Variants in BCAS4 observed in about 807,000 individuals in gnomAD.
BCAS4 encodes the protein breast carcinoma amplified sequence 4, also known as breast carcinoma-amplified sequence 4.
A neutral mutation model predicts 15.7 loss-of-function variants in BCAS4; 9 were observed. That is an observed-to-expected ratio of 0.57 (90% CI 0.34 to 1.00). The LOEUF is 1.00. Among genes scored for constraint, BCAS4 ranks in the 50% least tolerant of loss-of-function variants. The pLI is 0.02. For missense variants in BCAS4, 225 were observed against 239.1 expected, an observed-to-expected ratio of 0.94 and a Z score of 0.39; for synonymous variants, 101 against 99.5, an observed-to-expected ratio of 1.02 and a Z score of -0.09.
intron 4 of BCAS4, among the ~76,000 whole-genome samples, chr20:50,869,285 C>T (rs1189448144): frequency 6.6e-6 from 1 of 152,200 alleles, no homozygotes; most frequent in Admixed American, 6.5e-5. Context: ...TAGCAGCAGG[C>T]ACCTGAGCTC....
At chr20:50,838,893 CA>C (rs1223622793) in intron 3 of BCAS4, among the ~76,000 whole-genome samples, 1 of 151,966 alleles carries the variant, frequency 6.6e-6, no homozygotes, top group Non-Finnish European at 1.5e-5. Flanking sequence ...AGCAGGGCCA[CA>C]CCCCATGGAG....
intron 4 of BCAS4, among the ~76,000 whole-genome samples, chr20:50,848,139 C>T (rs2123816782): frequency 6.6e-6 from 1 of 151,840 alleles, no homozygotes; most frequent in African/African-American, 2.4e-5. Context: ...GCCTGTGGTC[C>T]CAGCTACTTG....
chr20:50,817,161 T>C (rs890276321), intron 1 of BCAS4, among the ~76,000 whole-genome samples: 2 of 151,902 alleles, frequency 1.3e-5, no homozygotes, highest in African/African-American at 4.8e-5. Flanking sequence ...TGGTCTCGAA[T>C]TCCTGGACTT....
intron 2 of BCAS4, among the ~76,000 whole-genome samples, chr20:50,825,085 G>A (rs894301882): frequency 2.6e-5 from 4 of 151,920 alleles, no homozygotes; most frequent in East Asian, 1.9e-4. Flanking sequence ...TCTGAGCCTC[G>A]GTTTTATCTC....
intron 4 of BCAS4, among the ~76,000 whole-genome samples, chr20:50,869,424 AC>A (rs1004068627): frequency 1.3e-5 from 2 of 151,388 alleles, no homozygotes; most frequent in Non-Finnish European, 2.9e-5. Context: ...CAGTGTGTCC[AC>A]CCCCCCTTTT....
chr20:50,826,666 A>G (rs893294481), intron 2 of BCAS4, among the ~76,000 whole-genome samples: 1 of 152,054 alleles, frequency 6.6e-6, no homozygotes, highest in East Asian at 1.9e-4. Context: ...TCACATCACC[A>G]TGGTACATTT....
chr20:50,875,611 A>G (rs1311728293), intron 4 of BCAS4, among the ~76,000 whole-genome samples: 1 of 151,332 alleles, frequency 6.6e-6, no homozygotes, highest in Non-Finnish European at 1.5e-5. Context: ...CTAAAAAAAA[A>G]AAAAAAAAAA....
intron 4 of BCAS4, among the ~76,000 whole-genome samples, chr20:50,856,619 T>C (rs1021058032): frequency 2.6e-5 from 4 of 152,218 alleles, no homozygotes; most frequent in South Asian, 2.1e-4. Flanking sequence ...TTTGCTGGCC[T>C]AGACCTGGCT....
intron 4 of BCAS4, among the ~76,000 whole-genome samples, chr20:50,855,442 C>T (rs1407661354): frequency 6.6e-6 from 1 of 152,160 alleles, no homozygotes; most frequent in Non-Finnish European, 1.5e-5. Flanking sequence ...CTGTGTGTCA[C>T]CTACACAATC....
chr20:50,803,801 C>CAA (rs77271343), intron 1 of BCAS4, among the ~76,000 whole-genome samples: 3,828 of 90,842 alleles, frequency 0.042, 75 homozygotes, highest in African/African-American at 0.06. Flanking sequence ...ACTAGACTCC[C>CAA]AAAAAAAAAA....
At chr20:50,809,990 T>C (rs2088040686) in intron 1 of BCAS4, among the ~76,000 whole-genome samples, 1 of 152,154 alleles carries the variant, frequency 6.6e-6, no homozygotes, top group Non-Finnish European at 1.5e-5. Context: ...TTACCAGTTG[T>C]AGGAGCTTTT....
intron 1 of BCAS4, 67 bp from the exon 2 acceptor site, chr20:50,818,144 A>G: frequency 6.7e-7 from 1 of 1,496,524 alleles, no homozygotes; most frequent in Non-Finnish European, 9.2e-7. Context: ...AAAAAAAAAA[A>G]AAAATGAAGG....
At chr20:50,810,187 G>A (rs2088042658) in intron 1 of BCAS4, among the ~76,000 whole-genome samples, 1 of 151,322 alleles carries the variant, frequency 6.6e-6, no homozygotes, top group African/African-American at 2.4e-5. Context: ...CTGTGATACT[G>A]CCTGAACTTC....
At chr20:50,867,325 G>C (rs1568685524) in intron 4 of BCAS4, among the ~76,000 whole-genome samples, 2 of 152,080 alleles carry the variant, frequency 1.3e-5, no homozygotes, top group African/African-American at 2.4e-5. Flanking sequence ...GTTTGGTTTG[G>C]TGTTTTTGGT....
intron 2 of BCAS4, among the ~76,000 whole-genome samples, 161 bp from the exon 3 acceptor site, chr20:50,830,118 C>A (rs1469566825): frequency 6.6e-6 from 1 of 152,166 alleles, no homozygotes; most frequent in African/African-American, 2.4e-5. Flanking sequence ...TGTTGGTCCT[C>A]CCCTGGGGCT....
intron 4 of BCAS4, among the ~76,000 whole-genome samples, chr20:50,850,181 A>G (rs1416059740): frequency 6.6e-6 from 1 of 152,212 alleles, no homozygotes; most frequent in East Asian, 1.9e-4. Context: ...AACAGCCAAT[A>G]GTTATATTGA....
intron 4 of BCAS4, among the ~76,000 whole-genome samples, chr20:50,850,063 C>T (rs1199711485): frequency 6.6e-6 from 1 of 152,182 alleles, no homozygotes; most frequent in Non-Finnish European, 1.5e-5. Context: ...CCTCTTCGTC[C>T]CCTCCACTGT....
intron 1 of BCAS4, among the ~76,000 whole-genome samples, chr20:50,800,615 G>A (rs2087916165): frequency 7.0e-6 from 1 of 142,816 alleles, no homozygotes. Context: ...AGGCTGGAGT[G>A]CAGTGGCGCA....
chr20:50,818,915 G>T (rs2088175816), intron 2 of BCAS4, among the ~76,000 whole-genome samples: 1 of 152,216 alleles, frequency 6.6e-6, no homozygotes, highest in Non-Finnish European at 1.5e-5. Flanking sequence ...GGGTGCAGTG[G>T]CTCACACCTG....
Sources: allele counts gnomAD v4.1 joint callset (sites outside exome capture counted in the v4.1 genomes callset), GRCh38; gene constraint gnomAD v4.1.1; transcripts MANE v1.5; gene names NCBI Gene and HGNC (gene_info 2026-07-23, HGNC 2026-07-21).